DMD: variants seen among roughly 807,000 people sequenced by gnomAD.
DMD encodes mutant dystrophin.
In DMD, 63 loss-of-function variants were observed where a neutral mutation model predicts 330.1. The observed-to-expected ratio is 0.19, with a 90% CI of 0.16 to 0.24. The LOEUF (loss-of-function observed/expected upper bound fraction) is 0.24, where lower values mean the gene tolerates loss of function less well. Among genes scored for constraint, DMD ranks in the 10% least tolerant of loss-of-function variants. The probability of loss-of-function intolerance (pLI) is 1.00; values close to 1 mark genes in which losing one functional copy is unlikely to be tolerated. For synonymous variants in DMD, 1,223 were observed against 959.8 expected, an observed-to-expected ratio of 1.27 and a Z score of -5.07; for missense variants, 3,344 against 2,684.1, an observed-to-expected ratio of 1.25 and a Z score of -5.43.
At chrX:33,338,170 T>C (rs1227382115) in intron 1 of DMD, among the ~76,000 whole-genome samples, 1 of 111,863 alleles carries the variant, frequency 8.9e-6, no homozygotes, top group Non-Finnish European at 1.9e-5. Flanking sequence ...ATAAAGATTA[T>C]TTCAATATGT....
chrX:31,617,529 C>T (rs2078270130), intron 55 of DMD, among the ~76,000 whole-genome samples: 2 of 58,427 alleles, frequency 3.4e-5, no homozygotes, highest in African/African-American at 7.5e-5. Context: ...AGCGAGACTT[C>T]GTCTCAAAAA....
At chrX:32,367,837 A>T (rs2097859697) in intron 34 of DMD, among the ~76,000 whole-genome samples, 1 of 112,191 alleles carries the variant, frequency 8.9e-6, no homozygotes, top group Non-Finnish European at 1.9e-5. Flanking sequence ...CTTGTATTTG[A>T]AAAAAGCAGT....
intron 50 of DMD, among the ~76,000 whole-genome samples, chrX:31,785,909 G>A (rs1379369346): frequency 1.2e-4 from 13 of 111,970 alleles, no homozygotes; most frequent in South Asian, 3.7e-4. Flanking sequence ...TGCAACAAAC[G>A]TACGTGTGCA....
intron 43 of DMD, among the ~76,000 whole-genome samples, chrX:32,272,643 G>C (rs2097369614): frequency 9.0e-6 from 1 of 111,609 alleles, no homozygotes; most frequent in Non-Finnish European, 1.9e-5. Context: ...CTTCATGTGT[G>C]AGCTTAAGAC....
At chrX:31,901,801 G>A (rs760969958) in intron 47 of DMD, among the ~76,000 whole-genome samples, 9 of 110,533 alleles carry the variant, frequency 8.1e-5, no homozygotes, top group African/African-American at 2.6e-4. Flanking sequence ...GACTTTTACC[G>A]TTTCTAATGT....
intron 45 of DMD, among the ~76,000 whole-genome samples, chrX:31,952,842 C>T (rs1361979846): frequency 9.0e-6 from 1 of 111,561 alleles, no homozygotes; most frequent in African/African-American, 3.3e-5. Context: ...CTTCTTATGC[C>T]CAGCGTTTTT....
intron 44 of DMD, among the ~76,000 whole-genome samples, chrX:31,972,488 G>A (rs1206942887): frequency 9.0e-6 from 1 of 111,283 alleles, no homozygotes; most frequent in Non-Finnish European, 1.9e-5. Flanking sequence ...TGAAGAAAAG[G>A]AATAAGCTAA....
At chrX:33,058,911 A>T (rs188493176) in intron 1 of DMD, among the ~76,000 whole-genome samples, 35 of 111,809 alleles carry the variant, frequency 3.1e-4, no homozygotes, top group African/African-American at 1.0e-3. Context: ...GCCAACTTTT[A>T]AAAAATGGGT....
intron 50 of DMD, among the ~76,000 whole-genome samples, chrX:31,782,554 T>C (rs1469252956): frequency 9.2e-6 from 1 of 109,217 alleles, no homozygotes; most frequent in Admixed American, 9.9e-5. Context: ...AAGAATCGCC[T>C]CGATGAACCA....
chrX:33,281,241 C>T (rs2053327021), intron 1 of DMD, among the ~76,000 whole-genome samples: 1 of 100,550 alleles, frequency 9.9e-6, no homozygotes. Flanking sequence ...CGGAGTCTCA[C>T]TCTGTGGTCC....
chrX:31,386,546 T>C (rs1239884556), intron 60 of DMD, among the ~76,000 whole-genome samples: 1 of 111,928 alleles, frequency 8.9e-6, no homozygotes, highest in Non-Finnish European at 1.9e-5. Flanking sequence ...ATTTAATTTC[T>C]TCATATGGGA....
At chrX:31,530,178 A>T (rs141390735) in intron 55 of DMD, among the ~76,000 whole-genome samples, 2,142 of 112,158 alleles carry the variant, frequency 0.019, 53 homozygotes, top group African/African-American at 0.065. Context: ...AGACATTTCT[A>T]ACTGTATCTA....
intron 60 of DMD, among the ~76,000 whole-genome samples, chrX:31,379,596 G>A (rs138295410): frequency 0.01 from 1,151 of 111,673 alleles, 13 homozygotes; most frequent in African/African-American, 0.035. Flanking sequence ...AATTAACCTC[G>A]CCTTCAAGGT....
chrX:32,832,302 T>A (rs1387981393), intron 4 of DMD, among the ~76,000 whole-genome samples: 1 of 111,620 alleles, frequency 9.0e-6, no homozygotes, highest in Non-Finnish European at 1.9e-5. Context: ...TTTGAGTTGA[T>A]TTCCTTAAAC....
At chrX:31,941,193 A>G (rs2150046483) in intron 45 of DMD, among the ~76,000 whole-genome samples, 1 of 111,672 alleles carries the variant, frequency 9.0e-6, no homozygotes, top group East Asian at 2.8e-4. Context: ...TACATCACCT[A>G]TCAGTAAAGC....
intron 62 of DMD, among the ~76,000 whole-genome samples, chrX:31,289,899 TTTATTATTATTATTATTA>T (rs200740564): frequency 1.3e-4 from 12 of 93,572 alleles, no homozygotes; most frequent in Admixed American, 2.4e-4. Flanking sequence ...TATTATTCTG[TTTATTATTATTATTATTA>T]TTATTATTAT....
At chrX:32,155,060 GTT>G (rs201936359) in intron 44 of DMD, among the ~76,000 whole-genome samples, 6 of 95,469 alleles carry the variant, frequency 6.3e-5, no homozygotes, top group South Asian at 4.8e-4. Context: ...CCCTTGCTGT[GTT>G]TTTTTTTTTT....
intron 19 of DMD, among the ~76,000 whole-genome samples, chrX:32,498,142 ATTAAG>A (rs1233543369): frequency 3.6e-5 from 4 of 111,207 alleles, no homozygotes; most frequent in Non-Finnish European, 7.6e-5. Flanking sequence ...ACTTGCCCTC[ATTAAG>A]TTAACAGTTT....
chrX:33,085,714 C>T (rs1017300501), intron 1 of DMD, among the ~76,000 whole-genome samples: 2 of 111,325 alleles, frequency 1.8e-5, no homozygotes, highest in Non-Finnish European at 3.8e-5. Flanking sequence ...ACTATCTTAC[C>T]AATAGGCTGT....
Sources: gnomAD v4.1 joint callset for allele counts (sites outside exome capture counted in the v4.1 genomes callset) on GRCh38, gnomAD v4.1.1 for gene constraint, MANE v1.5 for transcripts, NCBI Gene and HGNC (gene_info 2026-07-23, HGNC 2026-07-21) for gene names.